TBC1D22A: variants seen among roughly 807,000 people sequenced by gnomAD.
TBC1D22A encodes putative GTPase activator.
TBC1D22A carries 38 observed loss-of-function variants against 60.2 expected under a neutral mutation model. That is an observed-to-expected ratio of 0.63 (90% CI 0.49 to 0.83). The LOEUF is 0.83. TBC1D22A is among the 40% of genes least tolerant of loss of function. The probability of loss-of-function intolerance (pLI) is 0.00; values close to 1 mark genes in which losing one functional copy is unlikely to be tolerated. For synonymous variants in TBC1D22A, 302 were observed against 281.7 expected (o/e 1.07, Z -0.72); for missense variants, 628 against 701.0 (o/e 0.90, Z 1.18).
intron 4 of TBC1D22A, among the ~76,000 whole-genome samples, chr22:46,844,422 A>C (rs1354129557): frequency 6.6e-6 from 1 of 152,164 alleles, no homozygotes; most frequent in Admixed American, 6.5e-5. Flanking sequence ...CCCTGTGGGC[A>C]TTCATTAAGC....
intron 11 of TBC1D22A, among the ~76,000 whole-genome samples, chr22:47,075,377 A>T (rs1350639843): frequency 6.6e-6 from 1 of 152,132 alleles, no homozygotes; most frequent in African/African-American, 2.4e-5. Context: ...AGAGATGCTG[A>T]TAGAGCATCA....
intron 12 of TBC1D22A, among the ~76,000 whole-genome samples, 174 bp downstream of exon 12, chr22:47,111,777 A>G (rs2147723507): frequency 6.6e-6 from 1 of 152,304 alleles, no homozygotes; most frequent in African/African-American, 2.4e-5. Context: ...TGAGCCTGGC[A>G]GTGGTCACGT....
intron 11 of TBC1D22A, among the ~76,000 whole-genome samples, chr22:47,089,654 G>C (rs1417511712): frequency 6.6e-6 from 1 of 152,182 alleles, no homozygotes; most frequent in African/African-American, 2.4e-5. Flanking sequence ...GGGACAGTTT[G>C]ACTGTCTTAA....
intron 11 of TBC1D22A, among the ~76,000 whole-genome samples, chr22:47,077,627 G>A (rs1037073264): frequency 1.3e-5 from 2 of 152,202 alleles, no homozygotes; most frequent in African/African-American, 4.8e-5. Flanking sequence ...GTTGTAAGGA[G>A]CCCAGCAATG....
chr22:46,947,707 C>A (rs909460919), intron 8 of TBC1D22A, among the ~76,000 whole-genome samples: 1 of 147,738 alleles, frequency 6.8e-6, no homozygotes, highest in African/African-American at 2.5e-5. Context: ...TCCCTTTCTC[C>A]CTCCCTCTTC....
intron 5 of TBC1D22A, among the ~76,000 whole-genome samples, chr22:46,890,759 T>C (rs9627601): frequency 0.044 from 6,709 of 152,218 alleles, 464 homozygotes; most frequent in African/African-American, 0.15. Flanking sequence ...CCATGAGTCT[T>C]TGAAGATAGC....
Position 47,173,738 on chromosome 22 carries a change from TG to T in TBC1D22A, c.*114del. The T allele has an allele frequency of 1.3e-6, 2 of 1,515,376 alleles. No homozygotes were observed. Among genetic ancestry groups the T allele is most frequent in the South Asian group, 2.4e-5 (2 of 83,458 alleles). 93.9% of individuals were successfully genotyped at this position (1,515,376 alleles called of 1,614,324 possible). On this transcript the variant is annotated 3_prime_UTR_variant, in exon 13 of 13. Coordinates refer to ENST00000337137, the MANE Select transcript of TBC1D22A (RefSeq NM_014346.5). ...CGGGCTGCTAAAAGGCCTTGTGAGG[TG>T]GCCCCACCCTCCAGGGGAGCTGGTG...
intron 12 of TBC1D22A, among the ~76,000 whole-genome samples, chr22:47,122,134 G>A (rs1386270743): frequency 2.6e-5 from 4 of 152,206 alleles, no homozygotes; most frequent in Non-Finnish European, 5.9e-5. Flanking sequence ...TAACACATGA[G>A]GGGCACTGGG....
At chr22:47,042,126 C>G (rs131885) in intron 11 of TBC1D22A, among the ~76,000 whole-genome samples, 97,783 of 152,196 alleles carry the variant, frequency 0.64, 32,417 homozygotes, top group East Asian at 0.92. Flanking sequence ...AAGCACCTTG[C>G]CCAGGGCCAC....
chr22:46,920,415 G>A (rs1485504674), intron 8 of TBC1D22A, among the ~76,000 whole-genome samples: 5 of 152,098 alleles, frequency 3.3e-5, no homozygotes, highest in Admixed American at 3.3e-4. Context: ...TAATCATTTA[G>A]TCATGTCCTA....
chr22:47,072,122 G>A (rs915839143), intron 11 of TBC1D22A, among the ~76,000 whole-genome samples: 7 of 152,214 alleles, frequency 4.6e-5, no homozygotes, highest in Admixed American at 2.6e-4. Context: ...TGAGGCCCCC[G>A]AGGCAGAGGC....
chr22:46,987,711 C>T (rs934934882), intron 9 of TBC1D22A, among the ~76,000 whole-genome samples: 4 of 152,284 alleles, frequency 2.6e-5, no homozygotes, highest in East Asian at 1.9e-4. Context: ...TTTTTCCCAG[C>T]GGAGGGTGTT....
intron 5 of TBC1D22A, among the ~76,000 whole-genome samples, chr22:46,884,438 AG>A (rs1404968074): frequency 1.3e-5 from 2 of 152,166 alleles, no homozygotes; most frequent in East Asian, 3.9e-4. Context: ...GGTGATGAAG[AG>A]GGAGAACAGT....
At position 47,170,218 on chromosome 22, in the gene TBC1D22A, C is replaced by T. The variant is rs544174024; in HGVS notation, c.1426-3280C>T. ...GCGAAGAACTGGGCATTTCTATTCTCCCTCCATCCAGTGAACCTGGCGGAC... is the reference window on the plus strand; with the variant it reads ...GCGAAGAACTGGGCATTTCTATTCTTCCTCCATCCAGTGAACCTGGCGGAC... On this transcript the variant is annotated intron_variant, in intron 12 of 12. Coordinates refer to ENST00000337137, the MANE Select transcript of TBC1D22A (RefSeq NM_014346.5). 5.3e-5 allele frequency among the ~76,000 whole-genome samples: 8 copies of T among 152,294 alleles called. No homozygotes were observed. In the East Asian group the frequency reaches 1.4e-3, roughly 26 times the overall value.
rs114614049 is a variant in TBC1D22A at position 47,096,430 on chromosome 22, C to G, written c.1330-15078C>G. Among the ~76,000 whole-genome samples the G allele has an allele frequency of 3.3e-3, 498 of 152,292 alleles. 3 individuals are homozygous for G. Among genetic ancestry groups the G allele is most frequent in the African/African-American group, 0.012 (478 of 41,562 alleles). ...TCAGTCACATACCCACTACAAATAC[C>G]TTTTTCCAGTTTGTGATTGAGAAAT... On this transcript the variant is annotated intron_variant, in intron 11 of 12. Transcript: ENST00000337137.
At chr22:47,146,246 G>C (rs1440929313) in intron 12 of TBC1D22A, among the ~76,000 whole-genome samples, 3 of 152,200 alleles carry the variant, frequency 2.0e-5, no homozygotes, top group Non-Finnish European at 2.9e-5. Context: ...CTGTGTTCTC[G>C]TGCTGCTGGC....
At chr22:46,913,300 G>A (rs1569213547) in intron 8 of TBC1D22A, 16 of 1,357,622 alleles carry the variant, frequency 1.2e-5, no homozygotes, top group Non-Finnish European at 1.6e-5. Context: ...TCTGGACTTG[G>A]TGCTCGCCTG....
At chr22:46,979,697 C>T (rs1010250107) in intron 9 of TBC1D22A, among the ~76,000 whole-genome samples, 6 of 152,214 alleles carry the variant, frequency 3.9e-5, no homozygotes, top group Admixed American at 1.3e-4. Flanking sequence ...AACACAGTGA[C>T]GGTTGAGTGT....
intron 7 of TBC1D22A, among the ~76,000 whole-genome samples, chr22:46,901,004 G>C (rs1258903799): frequency 6.6e-6 from 1 of 152,158 alleles, no homozygotes; most frequent in Non-Finnish European, 1.5e-5. Context: ...ATCATAAATG[G>C]TTGTGGAGGT....
Sources: allele counts gnomAD v4.1 joint callset (sites outside exome capture counted in the v4.1 genomes callset), GRCh38; gene constraint gnomAD v4.1.1; transcripts MANE v1.5; gene names NCBI Gene and HGNC (gene_info 2026-07-23, HGNC 2026-07-21).